The following ACAT1 variants were observed in gnomAD, a reference collection of about 807,000 sequenced individuals.
ACAT1 encodes acetyl-CoA acetyltransferase 1, also known as acetyl-CoA acetyltransferase, mitochondrial.
In ACAT1, 28 loss-of-function variants were observed where a neutral mutation model predicts 47.3. That is an observed-to-expected ratio of 0.59 (90% CI 0.44 to 0.81). The LOEUF (loss-of-function observed/expected upper bound fraction) is 0.81. Ranked by LOEUF, ACAT1 falls within the 30% of genes least tolerant of loss-of-function variation. The pLI, the probability that ACAT1 is intolerant of heterozygous loss-of-function variation, is 0.00. For synonymous variants in ACAT1, 181 were observed against 173.6 expected, an observed-to-expected ratio of 1.04 and a Z score of -0.34; for missense variants, 469 against 524.3, an observed-to-expected ratio of 0.89 and a Z score of 1.03.
chr11:108,141,369 CAA>C (rs60002941), intron 7 of ACAT1, among the ~76,000 whole-genome samples: 14 of 69,322 alleles, frequency 2.0e-4, no homozygotes, highest in African/African-American at 5.0e-4. Context: ...AACCCTGCCT[CAA>C]AAAAAAAAAA....
At chr11:108,144,139 G>A in intron 10 of ACAT1, 92 bp downstream of exon 10, 5 of 1,408,618 alleles carry the variant, frequency 3.5e-6, no homozygotes, top group Non-Finnish European at 5.0e-6. Flanking sequence ...AATGTTATCT[G>A]CCAAAGCAGA....
intron 1 of ACAT1, among the ~76,000 whole-genome samples, chr11:108,131,020 TG>T (rs2077347536): frequency 6.6e-6 from 1 of 152,254 alleles, no homozygotes; most frequent in Non-Finnish European, 1.5e-5. Context: ...TCCAAAGTGT[TG>T]GGATTACAGG....
chr11:108,121,375 G>A (rs1340923896), upstream of ACAT1: 48 of 591,558 alleles, frequency 8.1e-5, no homozygotes, highest in East Asian at 1.3e-3. Flanking sequence ...TGACCCCAGC[G>A]CCAGTGTCTC....
At chr11:108,144,214 C>G (rs1477157756) in intron 10 of ACAT1, 167 bp downstream of exon 10, 22 of 590,862 alleles carry the variant, frequency 3.7e-5, no homozygotes, top group Non-Finnish European at 6.0e-5. Context: ...ACAAGGATAA[C>G]AAACAAAAAA....
chr11:108,119,767 C>G (rs552122327), upstream of ACAT1, among the ~76,000 whole-genome samples: 2 of 152,172 alleles, frequency 1.3e-5, no homozygotes, highest in South Asian at 4.2e-4. Flanking sequence ...TCTTTGGCCT[C>G]TGGTAGAAGG....
intron 1 of ACAT1, among the ~76,000 whole-genome samples, chr11:108,122,523 T>A (rs1270382218): frequency 6.6e-6 from 1 of 152,212 alleles, no homozygotes; most frequent in East Asian, 1.9e-4. Flanking sequence ...ATTGTTGATA[T>A]GTTTGTTTTT....
intron 10 of ACAT1, chr11:108,144,281 C>T: frequency 3.6e-6 from 2 of 553,812 alleles, no homozygotes; most frequent in East Asian, 3.1e-5. Flanking sequence ...TAAAACTACA[C>T]ATCTGAATTA....
At chr11:108,129,597 G>A (rs886464755) in intron 1 of ACAT1, among the ~76,000 whole-genome samples, 2 of 152,042 alleles carry the variant, frequency 1.3e-5, no homozygotes, top group Non-Finnish European at 2.9e-5. Context: ...TTGAACTCCC[G>A]ACCTCATTAT....
At chr11:108,121,829 C>A (rs2077156104) in intron 1 of ACAT1, 151 bp downstream of exon 1, 1 of 793,646 alleles carries the variant, frequency 1.3e-6, no homozygotes, top group Non-Finnish European at 2.0e-6. Flanking sequence ...GGTCCAAAAA[C>A]CGCCTAAGTG....
At chr11:108,139,624 A>G (rs1212204436) in intron 6 of ACAT1, among the ~76,000 whole-genome samples, 1 of 152,084 alleles carries the variant, frequency 6.6e-6, no homozygotes, top group African/African-American at 2.4e-5. Context: ...GTGACCTGGT[A>G]TAGAAAGAAA....
chr11:108,138,062 C>T (rs1036789439), intron 5 of ACAT1, among the ~76,000 whole-genome samples: 1 of 151,854 alleles, frequency 6.6e-6, no homozygotes, highest in Admixed American at 6.6e-5. Context: ...GATCTTGGCT[C>T]ACTGCAAGCT....
In ACAT1 at chr11:108,134,270, A is replaced by G. The variant is rs969770311; in HGVS notation, c.288A>G (p.Gln96=). The G allele has an allele frequency of 1.9e-5, 30 of 1,613,658 alleles. No homozygotes were observed. Among genetic ancestry groups the G allele is most frequent in the African/African-American group, 4.0e-5 (3 of 74,856 alleles). The change falls in exon 4 of 12, where the codon CAA becomes CAG. Residue 96 remains glutamine, a synonymous_variant. Transcript: ENST00000265838. ...VKEAYMGNVL[Q]GGEGQAPTRQ... ...AAGCATACATGGGTAATGTTCTACA[A>G]GGAGGTGAAGGACAAGCTCCTACAA...
chr11:108,121,350 G>A, upstream of ACAT1: 1 of 575,676 alleles, frequency 1.7e-6, no homozygotes, highest in South Asian at 2.0e-5. Context: ...AGCCAGCAGC[G>A]TGTCAGGTGC....
chr11:108,131,403 G>A (rs912362346), intron 1 of ACAT1, among the ~76,000 whole-genome samples: 4 of 82,358 alleles, frequency 4.9e-5, no homozygotes, highest in African/African-American at 1.7e-4. Context: ...CAAGGCTGGA[G>A]TGTAGTCCCA....
intron 1 of ACAT1, among the ~76,000 whole-genome samples, chr11:108,127,266 CTTT>C (rs566446640): frequency 3.0e-5 from 4 of 131,606 alleles, no homozygotes; most frequent in Admixed American, 7.7e-5. Flanking sequence ...ACATAGAAGC[CTTT>C]TTTTTTTTTT....
chr11:108,136,637 A>T (rs1185120874), intron 5 of ACAT1: 1 of 152,250 alleles, frequency 6.6e-6, no homozygotes, highest in Non-Finnish European at 1.5e-5. Flanking sequence ...ACTTATAGGC[A>T]TTCTTGGAAG....
rs185613183 is a variant in ACAT1, at chr11:108,147,255, C to T, written c.1164-15C>T. 6.4e-4 allele frequency: 1,030 copies of T among 1,613,250 alleles called. No homozygotes were observed. The highest frequency in any genetic ancestry group is 1.3e-3 in the Admixed American group (78 of 59,990). On this transcript the variant is annotated splice_polypyrimidine_tract_variant and intron_variant, in intron 11 of 11. Transcript: ENST00000265838. Reference sequence around the variant, plus strand: ...CTGTACTTCATTAAAGAAGTAAATGCTTTCTTAATTTTAGGATGTCTGGAG... The same window carrying T: ...CTGTACTTCATTAAAGAAGTAAATGTTTTCTTAATTTTAGGATGTCTGGAG...
In ACAT1 at chr11:108,131,354, A is replaced by ATTTTTTTTTTTTTTTTTTT. The variant is rs397951009; in HGVS notation, c.73-535_73-534insTTTTTTTTTTTTTTTTTTT. ...AAGCTATATTTAAGAAAGACTTGGA[A>ATTTTTTTTTTTTTTTTTTT]TTTTTTTTTTTTTTTTTTAGACAGT... is the stretch of plus-strand genomic sequence containing the variant. On this transcript the variant is annotated intron_variant, in intron 1 of 11. Coordinates refer to ENST00000265838, the MANE Select transcript of ACAT1 (RefSeq NM_000019.4). Among the ~76,000 whole-genome samples, 199 of 62,632 alleles carry ATTTTTTTTTTTTTTTTTTT rather than the reference A, an allele frequency of 3.2e-3. 30 individuals carry two copies. Among genetic ancestry groups the ATTTTTTTTTTTTTTTTTTT allele is most frequent in the East Asian group, 7.0e-3 (7 of 998 alleles). The allele number at this position is 62,632 out of a possible 152,430, so 41.1% of individuals were successfully genotyped here.
At chr11:108,119,937 C>T (rs752741854), upstream of ACAT1, among the ~76,000 whole-genome samples, 4 of 152,036 alleles carry the variant, frequency 2.6e-5, no homozygotes, top group East Asian at 3.9e-4. Context: ...TTACCCTGGC[C>T]GCGTGCAGTG....
Sources: gnomAD v4.1 joint callset for allele counts (sites outside exome capture counted in the v4.1 genomes callset) on GRCh38, gnomAD v4.1.1 for gene constraint, MANE v1.5 for transcripts, NCBI Gene and HGNC (gene_info 2026-07-23, HGNC 2026-07-21) for gene names.